ENPEP: variants seen among roughly 807,000 people sequenced by gnomAD.
The protein encoded by ENPEP is glutamyl aminopeptidase.
A neutral mutation model predicts 114.5 loss-of-function variants in ENPEP; 103 were observed. That is an observed-to-expected ratio of 0.90 (90% CI 0.77 to 1.06). The LOEUF (loss-of-function observed/expected upper bound fraction) is 1.06. Ranked by LOEUF, ENPEP falls within the 50% of genes least tolerant of loss-of-function variation. The pLI is 0.00. For synonymous variants in ENPEP, 420 were observed against 422.0 expected (o/e 1.00, Z 0.06); for missense variants, 1,196 against 1,161.3 (o/e 1.03, Z -0.43).
chr4:110,546,980 T>C (rs1472142297), intron 13 of ENPEP, among the ~76,000 whole-genome samples: 1 of 152,038 alleles, frequency 6.6e-6, no homozygotes, highest in East Asian at 1.9e-4. Flanking sequence ...CAACAATTTT[T>C]ATTGTCCCTT....
At chr4:110,515,605 A>T in intron 8 of ENPEP, 163 bp downstream of exon 8, 1 of 634,122 alleles carries the variant, frequency 1.6e-6, no homozygotes, top group Non-Finnish European at 2.8e-6. Context: ...CATCCAATTG[A>T]GTACCTACAT....
intron 6 of ENPEP, among the ~76,000 whole-genome samples, chr4:110,511,866 C>T (rs1725590651): frequency 6.6e-6 from 1 of 151,804 alleles, no homozygotes; most frequent in African/African-American, 2.4e-5. Flanking sequence ...TGGGTTCAAG[C>T]AATTCTCCTG....
Position 110,499,960 on chromosome 4 carries a change from T to C in ENPEP, c.919-6677T>C, listed in dbSNP as rs1422474166. On this transcript the variant is annotated intron_variant, in intron 3 of 19. Transcript: ENST00000265162. ...ATCACATTCCTTGAAAAAATTTAAG[T>C]TCTCAATAATAAGACTAATAAGTAA... 2.0e-5 allele frequency: 3 copies of C among 152,188 alleles called. 1 individual carries two copies. Among genetic ancestry groups the C allele is most frequent in the Non-Finnish European group, 4.4e-5 (3 of 68,022 alleles). The allele number at this position is 152,188 out of a possible 1,614,324, so 9.4% of individuals were successfully genotyped here.
rs1424107152 is a variant in ENPEP, at chr4:110,510,261, T to G, written c.1211T>G (p.Val404Gly). 1.2e-6 allele frequency: 2 copies of G among 1,614,134 alleles called. No homozygotes were observed. The highest frequency in any genetic ancestry group is 8.5e-7 in the Non-Finnish European group (1 of 1,179,962). The part of the protein sequence containing the change: ...ELVHQWFGNI[V>G]TMDWWEDLWL... ...TAATTTCAGTGGTTTGGAAATATTG[T>G]GACCATGGACTGGTGGGAAGACTTG... Residue 404 changes from valine (V) to glycine (G), a missense_variant, in exon 6 of 20, where the codon GTG (valine) becomes GGG (glycine). Transcript: ENST00000265162.
At position 110,563,704 on chromosome 4, in the gene ENPEP, T is replaced by C. The variant is rs537669407; in HGVS notation, c.*2146T>C. ...AATTTCAAGAATTAACTGGAAAATA[T>C]GGGAAGCAAGGTCATGTAGCAAAAA... On this transcript the variant is annotated 3_prime_UTR_variant, in exon 20 of 20. Transcript: ENST00000265162. The C allele has an allele frequency of 2.8e-4, 43 of 152,282 alleles. No homozygotes were observed. The highest frequency in any genetic ancestry group is 6.5e-4 in the Admixed American group (10 of 15,300). The allele number at this position is 152,282 out of a possible 1,614,324, so 9.4% of individuals were successfully genotyped here. A position where few individuals can be genotyped will look rare whatever the true frequency, so the allele number is the denominator to read the frequency against.
intron 10 of ENPEP, among the ~76,000 whole-genome samples, chr4:110,521,329 T>G (rs1485974040): frequency 6.6e-6 from 1 of 151,972 alleles, no homozygotes; most frequent in Non-Finnish European, 1.5e-5. Flanking sequence ...CAGTGAGCCA[T>G]GATCACAACA....
chr4:110,497,372 A>T (rs2348428), intron 3 of ENPEP, among the ~76,000 whole-genome samples: 90,726 of 151,874 alleles, frequency 0.6, 27,467 homozygotes, highest in African/African-American at 0.68. Flanking sequence ...CTTGAAGGAA[A>T]CTGTTTAATT....
intron 15 of ENPEP, 42 bp from the exon 16 acceptor site, chr4:110,549,486 A>C: frequency 1.9e-6 from 3 of 1,612,696 alleles, no homozygotes; most frequent in Non-Finnish European, 2.5e-6. Context: ...ACTTGTTGAA[A>C]AGTGCTTAAG....
intron 2 of ENPEP, 30 bp from the exon 3 acceptor site, chr4:110,491,003 C>A: frequency 6.3e-7 from 1 of 1,592,596 alleles, no homozygotes; most frequent in South Asian, 1.1e-5. Context: ...ATATTTTGAT[C>A]GATAAAAGTT....
intron 1 of ENPEP, among the ~76,000 whole-genome samples, chr4:110,481,511 A>G (rs1724310991): frequency 6.6e-6 from 1 of 152,180 alleles, no homozygotes; most frequent in African/African-American, 2.4e-5. Flanking sequence ...TGAGCACTCA[A>G]ATATTCTCAA....
intron 6 of ENPEP, 133 bp from the exon 7 acceptor site, chr4:110,513,282 T>C (rs781660139): frequency 3.8e-5 from 36 of 959,104 alleles, no homozygotes; most frequent in Middle Eastern, 2.7e-4. Context: ...ATGATTAATT[T>C]GAAGACCTAA....
At chr4:110,550,770 A>T (rs1727257397) in intron 17 of ENPEP, among the ~76,000 whole-genome samples, 1 of 152,144 alleles carries the variant, frequency 6.6e-6, no homozygotes, top group African/African-American at 2.4e-5. Context: ...AATGACATCT[A>T]TCCTTGAGAT....
intron 19 of ENPEP, 125 bp from the exon 20 acceptor site, chr4:110,561,281 C>A: frequency 2.1e-6 from 2 of 948,462 alleles, no homozygotes; most frequent in South Asian, 1.5e-5. Context: ...AGAGGTGTAG[C>A]TCAACGTTGT....
At chr4:110,549,173 G>GA (rs1244159399) in intron 14 of ENPEP, among the ~76,000 whole-genome samples, 173 bp from the exon 15 acceptor site, 5 of 151,904 alleles carry the variant, frequency 3.3e-5, no homozygotes, top group Non-Finnish European at 7.4e-5. Context: ...TTTCAGGATT[G>GA]AAAAAAATTG....
At position 110,488,716 on chromosome 4, in the gene ENPEP, G is replaced by C. The variant is rs572004802; in HGVS notation, c.786+34G>C. ...TTTTTAAATGTTTTGTTTATGCAGAGAGTCTGTTGACAACATTAGGCCAGT... is the reference window on the plus strand; with the variant it reads ...TTTTTAAATGTTTTGTTTATGCAGACAGTCTGTTGACAACATTAGGCCAGT... On this transcript the variant is annotated intron_variant, in intron 2 of 19. Coordinates refer to ENST00000265162, the MANE Select transcript of ENPEP (RefSeq NM_001977.4). 11 of 1,590,162 alleles carry C rather than the reference G, an allele frequency of 6.9e-6. No homozygotes were observed. The Admixed American group carries it at 1.6e-4, about 23-fold the overall frequency.
chr4:110,548,074 T>A lies in ENPEP; in HGVS notation c.2001-102T>A, dbSNP rs1288942452. ...TGGAAGAATCCTCATTAACATGGAA[T>A]GCTTTGATCGCCAAAACTTTCAGTT... On this transcript the variant is annotated intron_variant, in intron 13 of 19. Transcript: ENST00000265162. The A allele has an allele frequency of 4.0e-6, 5 of 1,240,268 alleles. No homozygotes were observed. The Admixed American group carries it at 1.8e-4, about 45-fold the overall frequency. 76.8% of individuals were successfully genotyped at this position (1,240,268 alleles called of 1,614,324 possible).
chr4:110,547,938 A>T (rs192704745), intron 13 of ENPEP, among the ~76,000 whole-genome samples: 1 of 152,098 alleles, frequency 6.6e-6, no homozygotes, highest in African/African-American at 2.4e-5. Context: ...TGTACATCTT[A>T]ATGCCTTTCT....
intron 13 of ENPEP, among the ~76,000 whole-genome samples, chr4:110,545,992 T>A (rs1727039966): frequency 6.6e-6 from 1 of 151,990 alleles, no homozygotes; most frequent in Non-Finnish European, 1.5e-5. Flanking sequence ...GGTAAACCTC[T>A]TCAAGTGGTC....
At position 110,476,848 on chromosome 4, in the gene ENPEP, C is replaced by A. The variant is rs375739854; in HGVS notation, c.434C>A (p.Pro145Gln). Residue 145 changes from proline to glutamine, a missense_variant, in exon 1 of 20, where the codon CCG (proline) becomes CAG (glutamine). Pro to Gln is a moderately conservative substitution (Grantham distance 76). Transcript: ENST00000265162. ...HLRETRITRL[P>Q]ELKRPSGDQV... ...CGGGAGACCAGGATCACCCGGCTCC[C>A]GGAGCTGAAGAGGCCCTCTGGGGAC... 1.2e-6 allele frequency: 2 copies of A among 1,614,092 alleles called. No individual in the cohort carries two copies. The highest frequency in any genetic ancestry group is 1.7e-5 in the Admixed American group (1 of 60,028).
Sources: allele counts gnomAD v4.1 joint callset (sites outside exome capture counted in the v4.1 genomes callset), GRCh38; gene constraint gnomAD v4.1.1; transcripts MANE v1.5; gene names NCBI Gene and HGNC (gene_info 2026-07-23, HGNC 2026-07-21).